RMP24: variants seen among roughly 807,000 people sequenced by gnomAD.
RMP24 encodes ribonuclease MRP protein subunit p24.
the RMP24 span, chr18:35,972,691 C>G: frequency 1.9e-6 from 3 of 1,576,034 alleles, no homozygotes; most frequent in Non-Finnish European, 2.6e-6. Flanking sequence ...ATTTTCTCAC[C>G]TGGTTCCCGC....
the RMP24 span, chr18:35,973,308 C>T: frequency 6.2e-6 from 2 of 324,698 alleles, no homozygotes; most frequent in Non-Finnish European, 1.2e-5. Context: ...CATCCAATCT[C>T]ATGGCTTTTA....
At chr18:35,978,766 A>G in the RMP24 span, 1 of 1,414,412 alleles carries the variant, frequency 7.1e-7, no homozygotes, top group African/African-American at 1.5e-5. Flanking sequence ...GTATATGGCC[A>G]TAATACAAAA....
At chr18:35,976,384 G>A in the RMP24 span, among the ~76,000 whole-genome samples, 1 of 152,068 alleles carries the variant, frequency 6.6e-6, no homozygotes, top group East Asian at 1.9e-4. Flanking sequence ...GATAGATGCA[G>A]ATCTTCCATT....
the RMP24 span, among the ~76,000 whole-genome samples, chr18:35,974,620 G>A: frequency 1.3e-5 from 2 of 152,270 alleles, no homozygotes; most frequent in Non-Finnish European, 2.9e-5. Flanking sequence ...AATGAGAAGT[G>A]GCTAGATTTA....
chr18:35,974,332 G>T, the RMP24 span, among the ~76,000 whole-genome samples: 1 of 152,106 alleles, frequency 6.6e-6, no homozygotes, highest in Non-Finnish European at 1.5e-5. Flanking sequence ...GTTCACTGCT[G>T]TGTCTCCAGC....
chr18:35,972,848 T>C, the RMP24 span: 1 of 1,614,184 alleles, frequency 6.2e-7, no homozygotes, highest in Non-Finnish European at 8.5e-7. Flanking sequence ...CGGGTAGGTG[T>C]TCCTTTGCTC....
the RMP24 span, chr18:35,973,371 T>A: frequency 5.8e-6 from 1 of 173,310 alleles, no homozygotes; most frequent in Non-Finnish European, 1.3e-5. Flanking sequence ...AGACCTCTCC[T>A]CTGAATTCTA....
chr18:35,977,008 G>A, the RMP24 span, among the ~76,000 whole-genome samples: 3 of 152,168 alleles, frequency 2.0e-5, no homozygotes, highest in African/African-American at 2.4e-5. Flanking sequence ...CGGGTGGATC[G>A]CCTGAGGTCA....
At chr18:35,973,092 A>G in the RMP24 span, 1 of 759,674 alleles carries the variant, frequency 1.3e-6, no homozygotes, top group African/African-American at 1.8e-5. Context: ...TTGCTTTGTT[A>G]GCGGCATTTG....
chr18:35,973,601 C>G, the RMP24 span: 1 of 152,216 alleles, frequency 6.6e-6, no homozygotes, highest in East Asian at 1.9e-4. Context: ...GGCCAGTATG[C>G]GAGCAAATCC....
At chr18:35,979,259 AAGAT>A in the RMP24 span, 2 of 253,966 alleles carry the variant, frequency 7.9e-6, no homozygotes, top group Non-Finnish European at 1.5e-5. Context: ...TATGTATATA[AAGAT>A]AGATATATAC....
the RMP24 span, chr18:35,973,442 A>G: frequency 6.4e-6 from 1 of 156,072 alleles, no homozygotes; most frequent in Non-Finnish European, 1.4e-5. Context: ...ATTCAAACTT[A>G]GCTAATATGT....
At chr18:35,972,959 C>G in the RMP24 span, 1 of 1,609,132 alleles carries the variant, frequency 6.2e-7, no homozygotes, top group Non-Finnish European at 8.5e-7. Context: ...CCCCGCTTTC[C>G]TCTGTTCCGC....
chr18:35,974,853 A>T, the RMP24 span: 6 of 1,550,524 alleles, frequency 3.9e-6, no homozygotes, highest in Non-Finnish European at 5.3e-6. Flanking sequence ...GTAACAAAAT[A>T]TTCTGATTTG....
the RMP24 span, chr18:35,973,013 A>C: frequency 7.1e-7 from 1 of 1,408,092 alleles, no homozygotes; most frequent in Non-Finnish European, 1.0e-6. Flanking sequence ...CCTCCATAAA[A>C]ACAACAACAA....
the RMP24 span, chr18:35,975,177 G>T: frequency 8.9e-7 from 1 of 1,126,830 alleles, no homozygotes; most frequent in Non-Finnish European, 1.3e-6. Context: ...ATCAGCCTCA[G>T]TATAACTCAG....
chr18:35,979,175 C>T, the RMP24 span: 2 of 587,216 alleles, frequency 3.4e-6, no homozygotes, highest in East Asian at 6.2e-5. Context: ...ACCTGCCTAC[C>T]TCATAGGACA....
At chr18:35,978,715 G>A in the RMP24 span, 2 of 857,656 alleles carry the variant, frequency 2.3e-6, no homozygotes, top group South Asian at 2.6e-5. Context: ...AACTGAACAG[G>A]GATTTGTCAA....
the RMP24 span, chr18:35,975,032 C>T: frequency 1.9e-6 from 3 of 1,614,090 alleles, no homozygotes; most frequent in Admixed American, 1.7e-5. Context: ...AAGCGAGAAA[C>T]TATACACTCA....
Sources: allele counts gnomAD v4.1 joint callset (sites outside exome capture counted in the v4.1 genomes callset), GRCh38; gene constraint gnomAD v4.1.1; transcripts MANE v1.5; gene names NCBI Gene and HGNC (gene_info 2026-07-23, HGNC 2026-07-21).